The following KIF18B variants were observed in gnomAD, a reference collection of about 807,000 sequenced individuals.
KIF18B encodes kinesin family member 18B, also known as kinesin-like protein KIF18B.
KIF18B carries 49 observed loss-of-function variants against 80.9 expected under a neutral mutation model. The observed-to-expected ratio is 0.61, with a 90% CI of 0.48 to 0.77. KIF18B has a LOEUF of 0.77. KIF18B is among the 30% of genes least tolerant of loss of function. KIF18B has a pLI of 0.00. For synonymous variants in KIF18B, 439 were observed against 463.9 expected, an observed-to-expected ratio of 0.95 and a Z score of 0.69; for missense variants, 994 against 1,127.7, an observed-to-expected ratio of 0.88 and a Z score of 1.70.
intron 1 of KIF18B, among the ~76,000 whole-genome samples, chr17:44,942,586 AC>A (rs1198075423): frequency 6.6e-6 from 1 of 152,026 alleles, no homozygotes; most frequent in African/African-American, 2.4e-5. Context: ...CTCCTTCACA[AC>A]CCTAATACAC....
rs753245199 is a variant in KIF18B at position 44,926,115 on chromosome 17, G to A, written c.2524C>T (p.Leu842Phe). ...TTGGTGACGCCGTTCCCTGCTGAGA[G>A]TGCTCTCCCCACCCTGATGAGGTCC... ...GKDLIRVGRALSAGNGVTKVS is the reference protein window; with the variant it reads ...GKDLIRVGRAFSAGNGVTKVS Residue 842 changes from leucine to phenylalanine, a missense_variant, in exon 16 of 16, where the codon CTC (leucine) becomes TTC (phenylalanine). Transcript: ENST00000593135. The A allele has an allele frequency of 2.5e-6, 4 of 1,613,914 alleles. No individual in the cohort carries two copies. The highest frequency in any genetic ancestry group is 3.3e-5 in the Admixed American group (2 of 60,014).
chr17:44,930,795 G>A (rs1017874617), intron 11 of KIF18B, among the ~76,000 whole-genome samples: 2 of 152,150 alleles, frequency 1.3e-5, no homozygotes, highest in Non-Finnish European at 2.9e-5. Flanking sequence ...TGGGAGATCA[G>A]GGGGATGTCG....
chr17:44,946,991 C>A (rs1342677890), intron 1 of KIF18B, among the ~76,000 whole-genome samples: 1 of 151,418 alleles, frequency 6.6e-6, no homozygotes, highest in Non-Finnish European at 1.5e-5. Flanking sequence ...CGCCTTTAAT[C>A]CCAGCTACTC....
intron 11 of KIF18B, among the ~76,000 whole-genome samples, chr17:44,930,737 C>A (rs932355928): frequency 2.0e-5 from 3 of 152,116 alleles, no homozygotes; most frequent in African/African-American, 4.8e-5. Context: ...ACAGGGGACC[C>A]CTAGCAGAGG....
chr17:44,926,457 G>A lies in KIF18B; in HGVS notation c.2409C>T (p.Pro803=). ...CAGCTGGCCTCTTCAAAGTGCTGCT[G>A]GGGAGGCGGGCGATGCGGCTGCGGC... ...SHGRSRIARL[P]SSTLKRPAGP... is the part of the protein sequence containing the mutation. The change falls in exon 15 of 16, where the codon CCC becomes CCT. Residue 803 remains proline, a synonymous_variant. Coordinates refer to ENST00000593135, the MANE Select transcript of KIF18B (RefSeq NM_001265577.2). The A allele has an allele frequency of 6.3e-7, 1 of 1,588,294 alleles. No homozygotes were observed. Among genetic ancestry groups the A allele is most frequent in the Non-Finnish European group, 8.6e-7 (1 of 1,168,414 alleles).
In KIF18B at chr17:44,934,220, T is replaced by C. The variant is rs79878604; in HGVS notation, c.885+13A>G. On this transcript the variant is annotated intron_variant, in intron 6 of 15. Coordinates refer to ENST00000593135, the MANE Select transcript of KIF18B (RefSeq NM_001265577.2). This position sits in a 1 kb window ranked among gnomAD's most constrained non-coding sequence, Gnocchi z 5.4. Reference sequence around the variant, plus strand: ...TGCTATCCTGGGGAGAATACTGGCCTGTGCTGCTTTACCTTTGCATCGGCC... The same window carrying C: ...TGCTATCCTGGGGAGAATACTGGCCCGTGCTGCTTTACCTTTGCATCGGCC... 6.3e-4 allele frequency: 1,018 copies of C among 1,605,024 alleles called. 7 individuals are homozygous for C. The African/African-American group carries it at 0.011, about 18-fold the overall frequency.
In KIF18B at chr17:44,935,306, C is replaced by A. The variant is rs374152505; in HGVS notation, c.424G>T (p.Ala142Ser). 15 of 1,611,812 alleles carry A rather than the reference C, an allele frequency of 9.3e-6. No homozygotes were observed. In the African/African-American group the frequency reaches 1.7e-4, roughly 19 times the overall value. Residue 142 changes from alanine (A) to serine (S), a missense_variant, in exon 3 of 16, where the codon GCC becomes TCC. Physicochemically the swap from Ala to Ser is moderately conservative, Grantham distance 99. Coordinates refer to ENST00000593135, the MANE Select transcript of KIF18B (RefSeq NM_001265577.2). ...TTVELYRRLEARQQEKHFEVL... is the reference protein window; with the variant it reads ...TTVELYRRLESRQQEKHFEVL... Reference sequence around the variant, plus strand: ...TCGAAGTGCTTCTCCTGCTGGCGGGCCTCCAGGCGCCTGTACAGTTCCACG... The same window carrying A: ...TCGAAGTGCTTCTCCTGCTGGCGGGACTCCAGGCGCCTGTACAGTTCCACG...
chr17:44,943,815 T>C lies in KIF18B; in HGVS notation c.-15+3813A>G, dbSNP rs542235318. On this transcript the variant is annotated intron_variant, in intron 1 of 15. Transcript: ENST00000593135. ...CTCGAACTCCTGGGCTCGAGCCATC[T>C]TCCCACTTCATCATGTCACCTACCT... 4.0e-4 allele frequency among the ~76,000 whole-genome samples: 61 copies of C among 152,284 alleles called. 4 individuals carry two copies. Among genetic ancestry groups the C allele is most frequent in the African/African-American group, 1.4e-3 (60 of 41,552 alleles).
rs781186304 is a variant in KIF18B, at chr17:44,935,272, A to G, written c.458T>C (p.Ile153Thr). 3 of 1,607,114 alleles carry G rather than the reference A, an allele frequency of 1.9e-6. No individual in the cohort carries two copies. The highest frequency in any genetic ancestry group is 2.6e-6 in the Non-Finnish European group (3 of 1,175,866). The change falls in exon 3 of 16, where the codon ATC becomes ACC. Residue 153 changes from isoleucine to threonine, a missense_variant. Coordinates refer to ENST00000593135, the MANE Select transcript of KIF18B (RefSeq NM_001265577.2). ...RQQEKHFEVL[I>T]SYQEVYNEQI... is the part of the protein sequence containing the mutation. ...GGGGCAGCCGACCTCCTGGTAGCTG[A>G]TGAGCACCTCGAAGTGCTTCTCCTG...
At chr17:44,942,148 G>A (rs1470687630) in intron 1 of KIF18B, among the ~76,000 whole-genome samples, 1 of 152,202 alleles carries the variant, frequency 6.6e-6, no homozygotes, top group Non-Finnish European at 1.5e-5. Flanking sequence ...CCCAGGGGAT[G>A]GGGAGATTAA....
At chr17:44,938,112 T>C (rs1019804807) in intron 1 of KIF18B, among the ~76,000 whole-genome samples, 1 of 152,002 alleles carries the variant, frequency 6.6e-6, no homozygotes, top group Non-Finnish European at 1.5e-5. Flanking sequence ...GCCTCCCAGG[T>C]TCAAGCAATT....
chr17:44,933,127 G>T (rs1567791426), intron 7 of KIF18B, 141 bp from the exon 8 acceptor site: 1 of 682,830 alleles, frequency 1.5e-6, no homozygotes. Context: ...CAGCAGAGAA[G>T]GTCAGTATCA....
At chr17:44,940,229 T>A (rs1259351404) in intron 1 of KIF18B, among the ~76,000 whole-genome samples, 3 of 152,262 alleles carry the variant, frequency 2.0e-5, no homozygotes, top group Non-Finnish European at 4.4e-5. Flanking sequence ...AGTCTTTCAA[T>A]TAAATGATGA....
chr17:44,936,514 C>G, intron 1 of KIF18B, 156 bp from the exon 2 acceptor site: 1 of 572,138 alleles, frequency 1.7e-6, no homozygotes, highest in Non-Finnish European at 3.0e-6. Context: ...CCAATTATAT[C>G]TCTTTCTCAC....
In KIF18B at chr17:44,928,331, G is replaced by T; in HGVS notation, c.1971C>A (p.Cys657Ter). 6.2e-7 allele frequency: 1 copy of T among 1,611,632 alleles called. No homozygotes were observed. The highest frequency in any genetic ancestry group is 2.2e-5 in the East Asian group (1 of 44,848). ...TKRQRQSFLP[C>*]LRRGSLPDTQ... ...TGTCAGGCAGAGACCCTCTCCTTAG[G>T]CAGGGCAGGAAGGACTGGCGCTGGC... The change falls in exon 13 of 16, where the codon TGC (cysteine) becomes TGA (stop). Residue 657 changes from cysteine to a stop codon, truncating the protein, a stop_gained. Transcript: ENST00000593135. LOFTEE classifies it high-confidence loss of function.
At chr17:44,939,773 T>G (rs1253257137) in intron 1 of KIF18B, among the ~76,000 whole-genome samples, 2 of 152,194 alleles carry the variant, frequency 1.3e-5, no homozygotes, top group East Asian at 3.8e-4. Context: ...TTATTACTAG[T>G]TATTACATGA....
In KIF18B at chr17:44,934,915, A is replaced by G. The variant is rs370615966; in HGVS notation, c.492T>C (p.His164=). 37 of 1,550,244 alleles carry G rather than the reference A, an allele frequency of 2.4e-5. No homozygotes were observed. In the Middle Eastern group the frequency reaches 6.7e-4, roughly 28 times the overall value. The change falls in exon 4 of 16, where the codon CAT becomes CAC. Residue 164 remains histidine, a synonymous_variant. Transcript: ENST00000593135. This position sits in a 1 kb window ranked among gnomAD's most constrained non-coding sequence, Gnocchi z 5.4. The part of the protein sequence containing the change: ...SYQEVYNEQI[H]DLLEPKGPLA... ...GGGGCCCCTTGGGCTCCAGGAGGTCATGGATCTGTTCATTATACACCTGAG... is the reference window on the plus strand; with the variant it reads ...GGGGCCCCTTGGGCTCCAGGAGGTCGTGGATCTGTTCATTATACACCTGAG...
intron 11 of KIF18B, 65 bp downstream of exon 11, chr17:44,931,537 C>A (rs7218001): frequency 0.18 from 287,943 of 1,609,372 alleles, 27,018 homozygotes; most frequent in Middle Eastern, 0.25. Flanking sequence ...CCAATTCCCA[C>A]ACCCAGGGAG....
rs368463273 is a variant in KIF18B at position 44,934,242 on chromosome 17, G to C, written c.876C>G (p.Ala292=). The C allele has an allele frequency of 3.7e-6, 6 of 1,610,840 alleles. No individual in the cohort carries two copies. Among genetic ancestry groups the C allele is most frequent in the Non-Finnish European group, 5.1e-6 (6 of 1,178,514 alleles). Residue 292 remains alanine, a synonymous_variant, in exon 6 of 16, where the codon GCC becomes GCG. Transcript: ENST00000593135. This position sits in a 1 kb window ranked among gnomAD's most constrained non-coding sequence, Gnocchi z 5.4. ...GCCTGTGCTGCTTTACCTTTGCATC[G>C]GCCAAGGCATTGAGGACGTTGATGA... ...LALINVLNAL[A]DAKGRKTHVP... is the part of the protein sequence containing the mutation.
Sources: allele counts gnomAD v4.1 joint callset (sites outside exome capture counted in the v4.1 genomes callset), GRCh38; gene constraint gnomAD v4.1.1; non-coding constraint Gnocchi (gnomAD v3.1); transcripts MANE v1.5; gene names NCBI Gene and HGNC (gene_info 2026-07-23, HGNC 2026-07-21).